The following SLC4A4 variants were observed in gnomAD, a reference collection of about 807,000 sequenced individuals.
The protein encoded by SLC4A4 is electrogenic sodium bicarbonate cotransporter 1.
In SLC4A4, 27 loss-of-function variants were observed where a neutral mutation model predicts 111.5. The ratio of observed to expected loss-of-function variants is 0.24; its 90% CI spans 0.18 to 0.33. The LOEUF is 0.33. Among genes scored for constraint, SLC4A4 ranks in the 10% least tolerant of loss-of-function variants. The pLI is 1.00. For missense variants in SLC4A4, 909 were observed against 1,315.5 expected (o/e 0.69, Z 4.78); for synonymous variants, 443 against 463.4 (o/e 0.96, Z 0.57).
intron 2 of SLC4A4, among the ~76,000 whole-genome samples, chr4:71,167,412 C>A (rs1166298349): frequency 6.6e-6 from 1 of 152,152 alleles, no homozygotes; most frequent in Non-Finnish European, 1.5e-5. Context: ...TCAAAGCGGT[C>A]CCAAGTACAT....
chr4:71,202,788 T>C (rs557638643), intron 1 of SLC4A4, among the ~76,000 whole-genome samples: 1 of 152,312 alleles, frequency 6.6e-6, no homozygotes, highest in East Asian at 1.9e-4. Flanking sequence ...TGATGATCTG[T>C]AGAAAATGAG....
intron 2 of SLC4A4, among the ~76,000 whole-genome samples, chr4:71,142,455 C>T (rs995783420): frequency 6.6e-6 from 1 of 152,106 alleles, no homozygotes; most frequent in African/African-American, 2.4e-5. Context: ...TTTGCTGCTC[C>T]CTGTTTTAGG....
chr4:71,410,212 CT>C (rs1465948652), intron 7 of SLC4A4, among the ~76,000 whole-genome samples: 2 of 152,204 alleles, frequency 1.3e-5, no homozygotes, highest in East Asian at 3.8e-4. Context: ...AAGAGGGCTA[CT>C]GTCCTCCAGA....
At chr4:71,240,878 G>A (rs908718430) in intron 2 of SLC4A4, among the ~76,000 whole-genome samples, 2 of 152,160 alleles carry the variant, frequency 1.3e-5, no homozygotes, top group Admixed American at 6.5e-5. Flanking sequence ...AGCACTTTGG[G>A]AGGCCAAGGT....
chr4:71,348,945 C>T (rs928598238), intron 4 of SLC4A4, among the ~76,000 whole-genome samples: 1 of 152,170 alleles, frequency 6.6e-6, no homozygotes, highest in African/African-American at 2.4e-5. Flanking sequence ...CCATCTTTAT[C>T]TCTTTCAATA....
At chr4:71,488,210 A>C (rs1339933429) in intron 15 of SLC4A4, among the ~76,000 whole-genome samples, 1 of 151,154 alleles carries the variant, frequency 6.6e-6, no homozygotes, top group Non-Finnish European at 1.5e-5. Flanking sequence ...TTTGTAATAA[A>C]TATTAGTGAA....
At chr4:71,113,896 T>C (rs1363704115) in intron 2 of SLC4A4, among the ~76,000 whole-genome samples, 2 of 152,190 alleles carry the variant, frequency 1.3e-5, no homozygotes, top group Admixed American at 1.3e-4. Flanking sequence ...TATCTTTCTA[T>C]AAACAAAGTA....
chr4:71,534,277 C>G lies in SLC4A4; in HGVS notation c.2331C>G (p.Pro777=), dbSNP rs769213807. 4 of 1,613,554 alleles carry G rather than the reference C, an allele frequency of 2.5e-6. No individual in the cohort carries two copies. In the East Asian group the frequency reaches 8.9e-5, roughly 36 times the overall value. The part of the protein sequence containing the change: ...GWFVPPFGEN[P]WWVCLAAAIP... ...TCGTTCCACCGTTTGGAGAAAACCC[C>G]TGGTGGGTGTGCCTTGCTGCTGCTA... is the stretch of plus-strand genomic sequence containing the variant. Residue 777 remains proline, a synonymous_variant, in exon 18 of 26, where the codon CCC becomes CCG. Transcript: ENST00000264485.
chr4:71,446,182 A>AT (rs1046369565), intron 8 of SLC4A4, among the ~76,000 whole-genome samples: 4 of 139,876 alleles, frequency 2.9e-5, no homozygotes, highest in African/African-American at 5.6e-5. Context: ...GAATTTTATG[A>AT]TAAAAAAAAA....
chr4:71,476,463 T>C (rs1053137579), intron 14 of SLC4A4, among the ~76,000 whole-genome samples: 1 of 151,690 alleles, frequency 6.6e-6, no homozygotes, highest in Non-Finnish European at 1.5e-5. Flanking sequence ...TATGTAACAG[T>C]GAACCAGCAA....
chr4:71,286,921 G>GT lies in SLC4A4; in HGVS notation c.253+31534dup, dbSNP rs199676655. On this transcript the variant is annotated intron_variant, in intron 3 of 25. Coordinates refer to ENST00000264485, the MANE Select transcript of SLC4A4 (RefSeq NM_001098484.3). ...ATTATTATTTTTAGAATTATTATGA[G>GT]TTTTTTTTTTTTAACTTGGCTCTTG... Among the ~76,000 whole-genome samples, 1,298 of 146,130 alleles carry GT rather than the reference G, an allele frequency of 8.9e-3. 19 individuals carry two copies. The highest frequency in any genetic ancestry group is 0.036 in the Middle Eastern group (10 of 276).
intron 6 of SLC4A4, among the ~76,000 whole-genome samples, chr4:71,367,815 A>G (rs1246773624): frequency 6.6e-6 from 1 of 152,228 alleles, no homozygotes; most frequent in Non-Finnish European, 1.5e-5. Context: ...TAAATTGACA[A>G]AAATGTTTCT....
chr4:71,429,852 A>T (rs565364036), intron 7 of SLC4A4, among the ~76,000 whole-genome samples: 3 of 152,326 alleles, frequency 2.0e-5, no homozygotes, highest in Admixed American at 1.3e-4. Flanking sequence ...TCAACCTGAT[A>T]TGAAAGCCGT....
intron 6 of SLC4A4, among the ~76,000 whole-genome samples, chr4:71,372,074 C>T (rs1480134729): frequency 6.6e-6 from 1 of 152,156 alleles, no homozygotes; most frequent in Non-Finnish European, 1.5e-5. Context: ...AGAATATTAG[C>T]TAAAAACAAA....
At chr4:71,467,378 G>C (rs1367528363) in intron 13 of SLC4A4, among the ~76,000 whole-genome samples, 1 of 152,076 alleles carries the variant, frequency 6.6e-6, no homozygotes, top group Non-Finnish European at 1.5e-5. Context: ...AAACTCAGCT[G>C]AATAAATACC....
At chr4:71,136,556 CAGTT>C (rs1743848265) in intron 2 of SLC4A4, among the ~76,000 whole-genome samples, 1 of 152,202 alleles carries the variant, frequency 6.6e-6, no homozygotes, top group Middle Eastern at 3.4e-3. Flanking sequence ...ACTCAAGACT[CAGTT>C]ATGGTTTTAT....
chr4:71,418,633 G>A (rs1722035409), intron 7 of SLC4A4, among the ~76,000 whole-genome samples: 2 of 152,178 alleles, frequency 1.3e-5, no homozygotes, highest in African/African-American at 2.4e-5. Flanking sequence ...AAGATAGCCT[G>A]AAGGGCAATC....
At chr4:71,495,190 A>G (rs745663793) in intron 15 of SLC4A4, among the ~76,000 whole-genome samples, 16 of 152,194 alleles carry the variant, frequency 1.1e-4, no homozygotes, top group Non-Finnish European at 1.9e-4. Context: ...CTGTCATTTC[A>G]TGTACATCTG....
At chr4:71,222,239 G>C (rs1231068529) in intron 1 of SLC4A4, among the ~76,000 whole-genome samples, 1 of 152,038 alleles carries the variant, frequency 6.6e-6, no homozygotes, top group Non-Finnish European at 1.5e-5. Flanking sequence ...TGGCCTCCTT[G>C]ATGTTCCAGT....
Sources: allele counts gnomAD v4.1 joint callset (sites outside exome capture counted in the v4.1 genomes callset), GRCh38; gene constraint gnomAD v4.1.1; transcripts MANE v1.5; gene names NCBI Gene and HGNC (gene_info 2026-07-23, HGNC 2026-07-21).